SYBU: variants seen among roughly 807,000 people sequenced by gnomAD.
SYBU encodes the protein GOLSYN A protein.
A neutral mutation model predicts 35.9 loss-of-function variants in SYBU; 21 were observed. The ratio of observed to expected loss-of-function variants is 0.58; its 90% CI spans 0.41 to 0.84. SYBU has a LOEUF of 0.84. SYBU is among the 40% of genes least tolerant of loss of function. The probability of loss-of-function intolerance (pLI) is 0.00; values close to 1 mark genes in which losing one functional copy is unlikely to be tolerated. For synonymous variants in SYBU, 319 were observed against 324.3 expected, an observed-to-expected ratio of 0.98 and a Z score of 0.18; for missense variants, 768 against 848.2, an observed-to-expected ratio of 0.91 and a Z score of 1.17.
chr8:109,644,095 C>T, intron 1 of SYBU: 2 of 456,976 alleles, frequency 4.4e-6, no homozygotes, highest in Non-Finnish European at 8.8e-6. Flanking sequence ...GAGGCCGGCA[C>T]ATGGCATAAA....
At position 109,642,765 on chromosome 8, in the gene SYBU, G is replaced by C. The variant is rs979861511; in HGVS notation, c.192C>G (p.Arg64=). 11 of 1,611,076 alleles carry C rather than the reference G, an allele frequency of 6.8e-6. No individual in the cohort carries two copies. In the East Asian group the frequency reaches 2.5e-4, roughly 36 times the overall value. ...SREFNPSSSG[R]SARTVSSNSF... ...TGTTGCTGCTAACGGTCCTCGCTGA[G>C]CGCCCAGAGCTGCTGGGGTTGAACT... Residue 64 remains arginine (R), a synonymous_variant, in exon 2 of 7, where the codon CGC becomes CGG. Transcript: ENST00000276646.
At chr8:109,626,332 A>G (rs1388727066) in intron 2 of SYBU, among the ~76,000 whole-genome samples, 1 of 152,132 alleles carries the variant, frequency 6.6e-6, no homozygotes, top group Non-Finnish European at 1.5e-5. Flanking sequence ...ATTTGCCTGT[A>G]CTTTCTCCTA....
At chr8:109,660,830 A>T (rs1404814196) in intron 1 of SYBU, among the ~76,000 whole-genome samples, 1 of 152,202 alleles carries the variant, frequency 6.6e-6, no homozygotes, top group Admixed American at 6.5e-5. Context: ...GGAGGTCCTC[A>T]TTCCACAGTG....
chr8:109,658,688 T>G (rs1816447513), intron 1 of SYBU, among the ~76,000 whole-genome samples: 1 of 152,178 alleles, frequency 6.6e-6, no homozygotes, highest in Non-Finnish European at 1.5e-5. Flanking sequence ...GCATGGTGGC[T>G]CATGCCTGTA....
chr8:109,675,661 C>CA (rs1485476580), intron 1 of SYBU, among the ~76,000 whole-genome samples: 1 of 151,936 alleles, frequency 6.6e-6, no homozygotes, highest in Non-Finnish European at 1.5e-5. Flanking sequence ...CTAAAACAAA[C>CA]AAAAAAGCCC....
At chr8:109,639,900 G>A (rs1361751827) in intron 2 of SYBU, among the ~76,000 whole-genome samples, 1 of 152,124 alleles carries the variant, frequency 6.6e-6, no homozygotes, top group Non-Finnish European at 1.5e-5. Context: ...TCATTAACAT[G>A]CCCCCAAAGG....
In SYBU at chr8:109,691,056, CAAG is replaced by C. The variant is rs1174779285; in HGVS notation, c.-58+274_-58+276del. Among the ~76,000 whole-genome samples, 3 of 152,214 alleles carry C rather than the reference CAAG, an allele frequency of 2.0e-5. No individual in the cohort carries two copies. The highest frequency in any genetic ancestry group is 4.4e-5 in the Non-Finnish European group (3 of 68,038). On this transcript the variant is annotated intron_variant, in intron 1 of 7. Transcript: ENST00000422135. The surrounding 1 kb of genome is among the most constrained non-coding windows in gnomAD (Gnocchi z 4.7). ...GCCTGGCTAATCTTGCTCGTTGCAACAAGGAGTCCAGCCCGACCGTCTCAACAA... is the reference window on the plus strand; with the variant it reads ...GCCTGGCTAATCTTGCTCGTTGCAACGAGTCCAGCCCGACCGTCTCAACAA...
chr8:109,579,621 CT>C (rs891798087), intron 5 of SYBU, among the ~76,000 whole-genome samples, 177 bp downstream of exon 5: 1 of 152,310 alleles, frequency 6.6e-6, no homozygotes, highest in Non-Finnish European at 1.5e-5. Flanking sequence ...GAAATTGTGG[CT>C]TGCGCTCTTT....
upstream of SYBU, among the ~76,000 whole-genome samples, chr8:109,648,292 C>T (rs1239778973): frequency 7.6e-6 from 1 of 131,472 alleles, no homozygotes; most frequent in African/African-American, 3.6e-5. Flanking sequence ...ATATATATCT[C>T]CTGGCAAAGC....
chr8:109,611,223 C>T (rs1811129901), intron 3 of SYBU, among the ~76,000 whole-genome samples: 1 of 152,120 alleles, frequency 6.6e-6, no homozygotes, highest in African/African-American at 2.4e-5. Flanking sequence ...ATTTGGCAGG[C>T]CCCCAAATCA....
chr8:109,627,951 C>T (rs1347709512), intron 2 of SYBU, among the ~76,000 whole-genome samples: 2 of 152,178 alleles, frequency 1.3e-5, no homozygotes, highest in Non-Finnish European at 2.9e-5. Context: ...GTAGTGGGAA[C>T]TCAGAGATGT....
intron 6 of SYBU, 91 bp downstream of exon 6, chr8:109,577,776 TC>T: frequency 7.4e-7 from 1 of 1,345,552 alleles, no homozygotes; most frequent in Non-Finnish European, 1.0e-6. Context: ...AATCATTTTT[TC>T]TTTTCTATCT....
upstream of SYBU, among the ~76,000 whole-genome samples, chr8:109,685,634 G>T (rs1817503592): frequency 6.6e-6 from 1 of 152,044 alleles, no homozygotes; most frequent in Non-Finnish European, 1.5e-5. Context: ...CAGGGGCAAG[G>T]GCCATATATA....
intron 2 of SYBU, among the ~76,000 whole-genome samples, chr8:109,624,315 G>T (rs987842996): frequency 1.9e-4 from 29 of 152,102 alleles, no homozygotes; most frequent in African/African-American, 6.5e-4. Context: ...TAAAAGGAAA[G>T]AATTAGCATA....
chr8:109,618,247 C>A (rs1443400018), intron 3 of SYBU, among the ~76,000 whole-genome samples: 1 of 152,146 alleles, frequency 6.6e-6, no homozygotes, highest in East Asian at 1.9e-4. Context: ...GAGAATTGAC[C>A]TTTTCTGATG....
chr8:109,575,187 T>A lies in SYBU; in HGVS notation c.1711A>T (p.Asn571Tyr), dbSNP rs1822085639. ...YANVDAEVHANRLMRELDFAA... is the reference protein window; with the variant it reads ...YANVDAEVHAYRLMRELDFAA... ...AAATCCAGCTCTCTCATGAGGCGGTTTGCATGAACTTCTGCATCCACATTG... is the reference window on the plus strand; with the variant it reads ...AAATCCAGCTCTCTCATGAGGCGGTATGCATGAACTTCTGCATCCACATTG... Residue 571 changes from asparagine to tyrosine, a missense_variant, in exon 7 of 7, where the codon AAC (asparagine) becomes TAC (tyrosine). Physicochemically the swap from Asn to Tyr is moderately radical, Grantham distance 143. Transcript: ENST00000276646. The A allele has an allele frequency of 6.2e-7, 1 of 1,613,512 alleles. No individual in the cohort carries two copies. The highest frequency in any genetic ancestry group is 8.5e-7 in the Non-Finnish European group (1 of 1,179,426).
intron 3 of SYBU, among the ~76,000 whole-genome samples, chr8:109,611,372 A>G (rs1419173765): frequency 2.0e-5 from 3 of 152,234 alleles, no homozygotes; most frequent in African/African-American, 7.2e-5. Context: ...CCATTACATC[A>G]ATTGGGTGCA....
chr8:109,623,198 GGCT>G lies in SYBU; in HGVS notation c.230-4162_230-4160del, dbSNP rs1423955625. The stretch of plus-strand genomic sequence containing the variant: ...AAATATGGGACAATTTCCTTCCAGG[GGCT>G]GCTATTTTAAATCCTCCTTAGACGG... On this transcript the variant is annotated intron_variant, in intron 2 of 6. Transcript: ENST00000276646. 3.9e-5 allele frequency among the ~76,000 whole-genome samples: 6 copies of G among 152,208 alleles called. No homozygotes were observed. The East Asian group carries it at 1.2e-3, about 29-fold the overall frequency.
intron 5 of SYBU, 81 bp from the exon 6 acceptor site, chr8:109,578,098 A>G (rs1428757722): frequency 7.0e-7 from 1 of 1,421,966 alleles, no homozygotes; most frequent in African/African-American, 1.4e-5. Flanking sequence ...AGTGTTATCA[A>G]CTGAATGTCT....
Sources: allele counts gnomAD v4.1 joint callset (sites outside exome capture counted in the v4.1 genomes callset), GRCh38; gene constraint gnomAD v4.1.1; non-coding constraint Gnocchi (gnomAD v3.1); transcripts MANE v1.5; gene names NCBI Gene and HGNC (gene_info 2026-07-23, HGNC 2026-07-21).